The following TXLNB variants were observed in gnomAD, a reference collection of about 807,000 sequenced individuals.
TXLNB encodes beta-taxilin.
In TXLNB, 37 loss-of-function variants were observed where a neutral mutation model predicts 57.4. The observed-to-expected ratio is 0.64, with a 90% CI of 0.50 to 0.85. TXLNB has a LOEUF of 0.85. Ranked by LOEUF, TXLNB falls within the 40% of genes least tolerant of loss-of-function variation. The pLI, the probability that TXLNB is intolerant of heterozygous loss-of-function variation, is 0.00. For missense variants in TXLNB, 848 were observed against 825.6 expected (o/e 1.03, Z -0.33); for synonymous variants, 302 against 309.6 (o/e 0.98, Z 0.26).
chr6:139,314,708 C>A, the TXLNB span, among the ~76,000 whole-genome samples: 1 of 152,208 alleles, frequency 6.6e-6, no homozygotes, highest in Non-Finnish European at 1.5e-5. Flanking sequence ...TGGAACAATA[C>A]TAAGTAGTTC....
chr6:139,280,860 T>C (rs922451842), intron 2 of TXLNB, among the ~76,000 whole-genome samples: 6 of 152,272 alleles, frequency 3.9e-5, no homozygotes, highest in South Asian at 2.1e-4. Context: ...TTTCTTCTAA[T>C]AGGATATGAT....
chr6:139,266,978 A>AC (rs904025871), intron 4 of TXLNB, among the ~76,000 whole-genome samples: 1 of 151,578 alleles, frequency 6.6e-6, no homozygotes, highest in African/African-American at 2.4e-5. Context: ...AAAAAAAAAA[A>AC]AAACCCACGA....
chr6:139,243,113 C>T lies in TXLNB; in HGVS notation c.1468G>A (p.Ala490Thr). 1.9e-6 allele frequency: 3 copies of T among 1,614,174 alleles called. No homozygotes were observed. The highest frequency in any genetic ancestry group is 2.2e-5 in the South Asian group (2 of 91,084). ...SNVSVDQEID[A>T]EEVNSVQTAV... ...GTTTGGACACTATTAACCTCCTCTGCGTCAATCTCTTGATCCACAGAGACG... is the reference window on the plus strand; with the variant it reads ...GTTTGGACACTATTAACCTCCTCTGTGTCAATCTCTTGATCCACAGAGACG... Residue 490 changes from alanine to threonine, a missense_variant, in exon 10 of 10, where the codon GCA becomes ACA. By Grantham distance (58) the Ala-to-Thr change is moderately conservative. Transcript: ENST00000358430.
chr6:139,238,931 T>C (rs891021700), downstream of TXLNB, among the ~76,000 whole-genome samples: 3 of 152,252 alleles, frequency 2.0e-5, no homozygotes, highest in Admixed American at 6.5e-5. Flanking sequence ...TGAAACCATC[T>C]GCCTCTCCTG....
chr6:139,212,236 G>A, the TXLNB span, among the ~76,000 whole-genome samples: 12 of 152,046 alleles, frequency 7.9e-5, no homozygotes, highest in Non-Finnish European at 1.2e-4. Flanking sequence ...GAGAAAGGTC[G>A]GGTTACCCAC....
chr6:139,239,890 G>A (rs964169041), downstream of TXLNB, among the ~76,000 whole-genome samples: 11 of 150,486 alleles, frequency 7.3e-5, no homozygotes, highest in South Asian at 2.3e-3. This position sits in a 1 kb window ranked among gnomAD's most constrained non-coding sequence, Gnocchi z 4.7. Context: ...ACACACCCCC[G>A]CCCCCAATAT....
chr6:139,267,265 T>C (rs1169944270), intron 4 of TXLNB, among the ~76,000 whole-genome samples: 4 of 152,166 alleles, frequency 2.6e-5, no homozygotes, highest in Non-Finnish European at 2.9e-5. Flanking sequence ...ATACATATTA[T>C]TGTTTAAAGT....
chr6:139,295,613 A>T (rs1445139339), upstream of TXLNB, among the ~76,000 whole-genome samples: 2 of 152,064 alleles, frequency 1.3e-5, no homozygotes, highest in African/African-American at 4.8e-5. Flanking sequence ...TTTTAAATAA[A>T]ATGCCTTGAT....
At chr6:139,224,278 A>G in the TXLNB span, among the ~76,000 whole-genome samples, 1 of 131,754 alleles carries the variant, frequency 7.6e-6, no homozygotes, top group Non-Finnish European at 1.6e-5. Flanking sequence ...GGGGAACATC[A>G]CACTCTGGGG....
downstream of TXLNB, among the ~76,000 whole-genome samples, chr6:139,235,262 G>T (rs190733966): frequency 5.3e-5 from 8 of 152,280 alleles, no homozygotes; most frequent in Non-Finnish European, 1.0e-4. Flanking sequence ...ACAGTGGCTG[G>T]ATGTCAAGAG....
the TXLNB span, among the ~76,000 whole-genome samples, chr6:139,191,383 C>G: frequency 6.6e-6 from 1 of 152,134 alleles, no homozygotes; most frequent in African/African-American, 2.4e-5. Context: ...TGCACCATTG[C>G]ACTCCAGCCT....
At chr6:139,174,044 C>G in the TXLNB span, among the ~76,000 whole-genome samples, 1 of 152,128 alleles carries the variant, frequency 6.6e-6, no homozygotes, top group Non-Finnish European at 1.5e-5. Context: ...GCAGGAAGTC[C>G]TGCGTGAATA....
intron 2 of TXLNB, among the ~76,000 whole-genome samples, chr6:139,287,723 C>T (rs924792464): frequency 2.0e-5 from 3 of 152,216 alleles, no homozygotes; most frequent in African/African-American, 7.2e-5. Flanking sequence ...TTCCTATGTA[C>T]AGTAACATGC....
At chr6:139,297,808 A>G in the TXLNB span, among the ~76,000 whole-genome samples, 460 of 152,302 alleles carry the variant, frequency 3.0e-3, no homozygotes, top group African/African-American at 0.011. Context: ...ACATTTTCAA[A>G]TTGTTGCTGC....
intron 9 of TXLNB, 133 bp from the exon 10 acceptor site, chr6:139,243,447 A>G: frequency 2.2e-6 from 2 of 895,452 alleles, no homozygotes; most frequent in Non-Finnish European, 3.3e-6. Context: ...GGACCTGGCT[A>G]CAGAGTAGGG....
intron 2 of TXLNB, among the ~76,000 whole-genome samples, chr6:139,278,911 G>A (rs1776973204): frequency 6.6e-6 from 1 of 152,160 alleles, no homozygotes; most frequent in Admixed American, 6.5e-5. Context: ...GGCTGAGGCA[G>A]GGGAATCACT....
chr6:139,239,112 C>G (rs890771073), downstream of TXLNB: 11 of 152,396 alleles, frequency 7.2e-5, no homozygotes, highest in East Asian at 9.6e-4. This position sits in a 1 kb window ranked among gnomAD's most constrained non-coding sequence, Gnocchi z 4.7. Context: ...GCTCACAGTC[C>G]TCTTCTCACA....
At chr6:139,179,060 G>A in the TXLNB span, 7 of 152,132 alleles carry the variant, frequency 4.6e-5, no homozygotes, top group African/African-American at 1.7e-4. Context: ...CCTATAAGAA[G>A]TAGAAAGTCA....
intron 2 of TXLNB, among the ~76,000 whole-genome samples, chr6:139,285,628 T>C (rs1468897880): frequency 6.9e-6 from 1 of 145,406 alleles, no homozygotes; most frequent in Non-Finnish European, 1.5e-5. Flanking sequence ...GTATGCTACC[T>C]GAATGTATTA....
Sources: gnomAD v4.1 joint callset for allele counts (sites outside exome capture counted in the v4.1 genomes callset) on GRCh38, gnomAD v4.1.1 for gene constraint, Gnocchi (gnomAD v3.1) non-coding constraint, MANE v1.5 for transcripts, NCBI Gene and HGNC (gene_info 2026-07-23, HGNC 2026-07-21) for gene names.